Variants in ABHD18 observed in about 807,000 individuals in gnomAD.
ABHD18 encodes the protein abhydrolase domain containing 18, also known as cardiolipin-specific deacylase, mitochondrial.
Under a neutral mutation model 65.9 loss-of-function variants are expected in ABHD18, and 55 were observed. The ratio of observed to expected loss-of-function variants is 0.84; its 90% CI spans 0.67 to 1.05. The LOEUF is 1.05. ABHD18 is among the 50% of genes least tolerant of loss of function. ABHD18 has a pLI of 0.00. For synonymous variants in ABHD18, 181 were observed against 180.2 expected (o/e 1.00, Z -0.04); for missense variants, 533 against 558.5 (o/e 0.95, Z 0.46).
intron 10 of ABHD18, among the ~76,000 whole-genome samples, chr4:128,027,468 C>T (rs1337867308): frequency 1.3e-5 from 2 of 151,580 alleles, no homozygotes; most frequent in Admixed American, 6.6e-5. Context: ...TGCAGTGGCA[C>T]GATATCAGGT....
intron 4 of ABHD18, among the ~76,000 whole-genome samples, chr4:127,996,501 G>A (rs183134498): frequency 6.6e-5 from 10 of 152,292 alleles, no homozygotes; most frequent in Admixed American, 2.6e-4. Context: ...TCAAAGGGCA[G>A]TAAAGATCAC....
Position 127,965,460 on chromosome 4 carries a change from C to G in ABHD18, c.-164C>G. 2.1e-6 allele frequency: 1 copy of G among 485,558 alleles called. No individual in the cohort carries two copies. The highest frequency in any genetic ancestry group is 3.8e-6 in the Non-Finnish European group (1 of 263,914). The allele number at this position is 485,558 out of a possible 1,614,324, so 30.1% of individuals were successfully genotyped here. On this transcript the variant is annotated 5_prime_UTR_variant, in exon 1 of 13. Transcript: ENST00000645843. The stretch of plus-strand genomic sequence containing the variant: ...GTCTTCCTCCCTCCGTTTCTCCTTC[C>G]GCTGTATCTAGCATTTCGGTTCCTG...
chr4:127,993,965 A>G (rs536284972), intron 4 of ABHD18, among the ~76,000 whole-genome samples: 16 of 152,246 alleles, frequency 1.1e-4, no homozygotes, highest in Non-Finnish European at 2.1e-4. Context: ...TTTTAAGGCT[A>G]TGCCAAGTAT....
At chr4:128,027,958 GT>G (rs1579458035) in intron 10 of ABHD18, among the ~76,000 whole-genome samples, 1 of 152,050 alleles carries the variant, frequency 6.6e-6, no homozygotes, top group Non-Finnish European at 1.5e-5. Context: ...ATACATCTTT[GT>G]TTTTTAAAAA....
At chr4:127,998,875 T>C (rs1178272150) in intron 4 of ABHD18, among the ~76,000 whole-genome samples, 2 of 152,154 alleles carry the variant, frequency 1.3e-5, no homozygotes, top group African/African-American at 4.8e-5. Context: ...TATGGTACTT[T>C]ACGTACTTAG....
At chr4:127,985,969 C>G (rs929090652) in intron 3 of ABHD18, among the ~76,000 whole-genome samples, 5 of 152,002 alleles carry the variant, frequency 3.3e-5, no homozygotes, top group Non-Finnish European at 7.4e-5. Context: ...GAACCAAGAT[C>G]GCGCCACAGC....
At chr4:127,984,140 T>C (rs1393921991) in intron 2 of ABHD18, among the ~76,000 whole-genome samples, 199 bp from the exon 3 acceptor site, 1 of 152,208 alleles carries the variant, frequency 6.6e-6, no homozygotes, top group Middle Eastern at 3.2e-3. Context: ...CTATTGTTTC[T>C]CACATTTTTC....
Position 128,020,072 on chromosome 4 carries a change from T to C in ABHD18, c.610-8T>C, listed in dbSNP as rs775231143. The C allele has an allele frequency of 4.1e-5, 66 of 1,597,650 alleles. 1 individual carries two copies. The highest frequency in any genetic ancestry group is 8.4e-5 in the Admixed American group (5 of 59,662). On this transcript the variant is annotated splice_region_variant and splice_polypyrimidine_tract_variant and intron_variant, in intron 8 of 12. Coordinates refer to ENST00000645843, the MANE Select transcript of ABHD18 (RefSeq NM_001358451.3). ...CTAAATAGACGCTCTCTATCTGTTA[T>C]ATTACAGATGGCTTCCTTAGCGGTA...
chr4:128,007,117 C>T (rs1011116502), intron 4 of ABHD18, among the ~76,000 whole-genome samples: 1 of 151,810 alleles, frequency 6.6e-6, no homozygotes, highest in Admixed American at 6.6e-5. Flanking sequence ...TGCACTCCAG[C>T]CTGGGCAACA....
At chr4:127,973,681 C>G (rs1747291128) in intron 1 of ABHD18, among the ~76,000 whole-genome samples, 2 of 152,012 alleles carry the variant, frequency 1.3e-5, no homozygotes, top group Non-Finnish European at 2.9e-5. Context: ...GGTATGGCTC[C>G]TGTGGCTCAC....
At chr4:127,967,997 G>T (rs1579085360) in intron 1 of ABHD18, among the ~76,000 whole-genome samples, 1 of 152,158 alleles carries the variant, frequency 6.6e-6, no homozygotes, top group South Asian at 2.1e-4. Context: ...CGAGGCGGGC[G>T]GATCACGAGG....
At chr4:128,007,895 T>C (rs184217232) in intron 4 of ABHD18, among the ~76,000 whole-genome samples, 1 of 152,190 alleles carries the variant, frequency 6.6e-6, no homozygotes, top group African/African-American at 2.4e-5. Flanking sequence ...ACATAAACTC[T>C]TATTGATATA....
chr4:127,973,323 A>T (rs987591416), intron 1 of ABHD18, among the ~76,000 whole-genome samples: 11 of 152,148 alleles, frequency 7.2e-5, no homozygotes, highest in Non-Finnish European at 1.5e-4. Flanking sequence ...GCTGATTTAG[A>T]CAAACTTTCA....
intron 6 of ABHD18, among the ~76,000 whole-genome samples, chr4:128,011,395 G>A (rs889307118): frequency 2.6e-5 from 4 of 151,404 alleles, no homozygotes; most frequent in African/African-American, 4.8e-5. Context: ...TGATCCGCCC[G>A]CCTTGGCCTC....
chr4:128,015,008 C>G (rs1755238601), intron 7 of ABHD18, among the ~76,000 whole-genome samples: 1 of 151,112 alleles, frequency 6.6e-6, no homozygotes, highest in African/African-American at 2.4e-5. Context: ...ACCCAGGAGG[C>G]AGAGGTTGCA....
chr4:127,967,555 A>C (rs900648130), intron 1 of ABHD18, among the ~76,000 whole-genome samples: 1 of 152,168 alleles, frequency 6.6e-6, no homozygotes. Flanking sequence ...TGGCTTACTC[A>C]AGGTCACACA....
rs936944553 is a variant in ABHD18 at position 127,989,930 on chromosome 4, A to T, written c.278+109A>T. 1.7e-5 allele frequency: 10 copies of T among 602,412 alleles called. No homozygotes were observed. In the African/African-American group the frequency reaches 1.8e-4, roughly 11 times the overall value. The allele number at this position is 602,412 out of a possible 1,614,324, so 37.3% of individuals were successfully genotyped here. A position where few individuals can be genotyped will look rare whatever the true frequency, so the allele number is the denominator to read the frequency against. On this transcript the variant is annotated intron_variant, in intron 4 of 12. Coordinates refer to ENST00000645843, the MANE Select transcript of ABHD18 (RefSeq NM_001358451.3). ...AGGAGTAACAAGGCAGGCCTAAATT[A>T]TTGAAAAGGCTGAATTAGAAGATAT...
At chr4:127,979,873 G>C (rs1560829328) in intron 1 of ABHD18, among the ~76,000 whole-genome samples, 1 of 135,462 alleles carries the variant, frequency 7.4e-6, no homozygotes, top group Non-Finnish European at 1.5e-5. Context: ...CCAAGATTGT[G>C]CCACTGCACT....
rs548903805 is a variant in ABHD18, at chr4:127,996,431, G to C, written c.278+6610G>C. On this transcript the variant is annotated intron_variant, in intron 4 of 12. Coordinates refer to ENST00000645843, the MANE Select transcript of ABHD18 (RefSeq NM_001358451.3). ...CCGCAAAATCAGCAAGTTTTTATTA[G>C]GGATTTTAAAAAGGGGAGGGGGTGT... Among the ~76,000 whole-genome samples, 15 of 149,668 alleles carry C rather than the reference G, an allele frequency of 1.0e-4. No homozygotes were observed. In the East Asian group the frequency reaches 3.2e-3, roughly 31 times the overall value.
Sources: gnomAD v4.1 joint callset for allele counts (sites outside exome capture counted in the v4.1 genomes callset) on GRCh38, gnomAD v4.1.1 for gene constraint, MANE v1.5 for transcripts, NCBI Gene and HGNC (gene_info 2026-07-23, HGNC 2026-07-21) for gene names.